Variants in RGS6 observed in about 807,000 individuals in gnomAD.
The protein encoded by RGS6 is regulator of G-protein signaling 6.
A neutral mutation model predicts 78.5 loss-of-function variants in RGS6; 30 were observed. The ratio of observed to expected loss-of-function variants is 0.38; its 90% confidence interval spans 0.29 to 0.52. The LOEUF is 0.52. Among genes scored for constraint, RGS6 ranks in the 20% least tolerant of loss-of-function variants. RGS6 has a pLI of 0.85. For missense variants in RGS6, 495 were observed against 609.7 expected (o/e 0.81, Z 1.98); for synonymous variants, 206 against 206.0 (o/e 1.00, Z 0.00).
At chr14:72,050,454 A>G (rs1343437741) in intron 2 of RGS6, among the ~76,000 whole-genome samples, 1 of 152,200 alleles carries the variant, frequency 6.6e-6, no homozygotes, top group African/African-American at 2.4e-5. Flanking sequence ...GATAAAATGT[A>G]AGGGGGGGAT....
At chr14:72,399,165 C>CATTATTATTGTGTGGTAGTCT (rs757094237) in intron 3 of RGS6, among the ~76,000 whole-genome samples, 1 of 113,780 alleles carries the variant, frequency 8.8e-6, no homozygotes, top group African/African-American at 4.6e-5. Flanking sequence ...TAAAGTCTCC[C>CATTATTATTGTGTGGTAGTCT]AAGTCTCTTT....
chr14:72,216,423 C>T (rs561483771), intron 2 of RGS6, among the ~76,000 whole-genome samples: 3 of 152,202 alleles, frequency 2.0e-5, no homozygotes, highest in Admixed American at 6.5e-5. Context: ...TACAGCAAAA[C>T]AAATGTAAGG....
chr14:72,310,929 C>T (rs1362716942), intron 2 of RGS6, among the ~76,000 whole-genome samples: 1 of 152,206 alleles, frequency 6.6e-6, no homozygotes, highest in East Asian at 1.9e-4. Flanking sequence ...TAATCAGGCA[C>T]CTACTTCCCA....
chr14:72,392,493 G>A lies in RGS6; in HGVS notation c.184+40299G>A, dbSNP rs983939031. On this transcript the variant is annotated intron_variant, in intron 3 of 17. Transcript: ENST00000553525. ...CTCCCATCATCACAGACATACACAC[G>A]CACCTGGCCCAAGAGTCACAGAAGC... Among the ~76,000 whole-genome samples the A allele has an allele frequency of 3.9e-5, 6 of 152,150 alleles. No individual in the cohort carries two copies. The East Asian group carries it at 7.7e-4, about 20-fold the overall frequency.
chr14:72,534,375 C>T (rs2097218856), intron 15 of RGS6, among the ~76,000 whole-genome samples: 1 of 152,190 alleles, frequency 6.6e-6, no homozygotes, highest in Non-Finnish European at 1.5e-5. Context: ...TTATGACTTG[C>T]TTTATTGTGG....
At chr14:72,264,073 G>A (rs915846023) in intron 2 of RGS6, among the ~76,000 whole-genome samples, 22 of 152,152 alleles carry the variant, frequency 1.4e-4, no homozygotes, top group Admixed American at 2.6e-4. Flanking sequence ...TTCATACTAC[G>A]TAGGATAAAG....
chr14:72,548,443 AATTT>A (rs1363393221), intron 17 of RGS6, among the ~76,000 whole-genome samples: 11 of 152,094 alleles, frequency 7.2e-5, no homozygotes, highest in African/African-American at 2.4e-4. Context: ...AAAAAAAAAA[AATTT>A]CTTGGGTTGT....
intron 2 of RGS6, among the ~76,000 whole-genome samples, chr14:72,306,412 T>C (rs773909106): frequency 3.9e-5 from 6 of 152,244 alleles, no homozygotes; most frequent in Non-Finnish European, 7.3e-5. Flanking sequence ...CCAAGTCTTA[T>C]TATTTAAGAA....
chr14:72,346,364 G>T (rs146986740), intron 2 of RGS6, among the ~76,000 whole-genome samples: 3 of 152,276 alleles, frequency 2.0e-5, no homozygotes, highest in African/African-American at 7.2e-5. Context: ...AGAGACAAGA[G>T]GCATGGAGAA....
chr14:72,132,576 GC>G (rs1284649669), intron 2 of RGS6, among the ~76,000 whole-genome samples: 4 of 152,042 alleles, frequency 2.6e-5, no homozygotes, highest in African/African-American at 7.2e-5. Flanking sequence ...ACCACGCCTG[GC>G]CCCATTTTAT....
chr14:71,965,155 A>G (rs1442031436), intron 2 of RGS6, among the ~76,000 whole-genome samples: 3 of 152,232 alleles, frequency 2.0e-5, no homozygotes, highest in Non-Finnish European at 1.5e-5. Context: ...TTCAGTGGAA[A>G]GGCCTTAGTG....
At chr14:71,990,337 T>A (rs2094901577) in intron 2 of RGS6, among the ~76,000 whole-genome samples, 1 of 152,052 alleles carries the variant, frequency 6.6e-6, no homozygotes, top group African/African-American at 2.4e-5. Flanking sequence ...CAAAAGCAGA[T>A]CCCCATTCGT....
At chr14:72,243,256 T>C (rs1225377529) in intron 2 of RGS6, among the ~76,000 whole-genome samples, 2 of 152,264 alleles carry the variant, frequency 1.3e-5, no homozygotes, top group African/African-American at 4.8e-5. Flanking sequence ...AAAATTAGAT[T>C]AATTCCTCCT....
chr14:72,102,273 G>GT (rs999050507), intron 2 of RGS6, among the ~76,000 whole-genome samples: 1 of 152,082 alleles, frequency 6.6e-6, no homozygotes, highest in Non-Finnish European at 1.5e-5. Flanking sequence ...TCCTATGTAT[G>GT]TTTTTTTCTC....
intron 2 of RGS6, among the ~76,000 whole-genome samples, chr14:72,125,189 G>A (rs2096158329): frequency 1.3e-5 from 2 of 152,142 alleles, no homozygotes; most frequent in Admixed American, 1.3e-4. Flanking sequence ...GAAAGCATGT[G>A]TTGTGTGGCT....
chr14:72,385,951 C>T (rs569820100), intron 3 of RGS6, among the ~76,000 whole-genome samples: 1 of 152,164 alleles, frequency 6.6e-6, no homozygotes, highest in Non-Finnish European at 1.5e-5. Context: ...CACCAAGAAG[C>T]TCTCCTTGAA....
chr14:71,915,932 G>A, the RGS6 span, among the ~76,000 whole-genome samples: 73 of 152,286 alleles, frequency 4.8e-4, no homozygotes, highest in African/African-American at 1.7e-3. Flanking sequence ...GACAGACCAC[G>A]GGAAGGCACA....
chr14:72,365,237 T>G (rs575016832), intron 3 of RGS6, among the ~76,000 whole-genome samples: 1 of 152,236 alleles, frequency 6.6e-6, no homozygotes, highest in South Asian at 2.1e-4. Flanking sequence ...AAAACTGAGA[T>G]AAAGGAAAAA....
chr14:72,063,115 G>A (rs1396356822), intron 2 of RGS6, among the ~76,000 whole-genome samples: 4 of 152,170 alleles, frequency 2.6e-5, no homozygotes, highest in Non-Finnish European at 1.5e-5. Context: ...GCGCCACCAC[G>A]CCTGGCCTGG....
Sources: allele counts gnomAD v4.1 joint callset (sites outside exome capture counted in the v4.1 genomes callset), GRCh38; gene constraint gnomAD v4.1.1; transcripts MANE v1.5; gene names NCBI Gene and HGNC (gene_info 2026-07-23, HGNC 2026-07-21).